GALNT17: variants seen among roughly 807,000 people sequenced by gnomAD.
GALNT17 encodes the protein UDP-GalNAc:polypeptide N-acetylgalactosaminyltransferase-like 3.
GALNT17 carries 29 observed loss-of-function variants against 63.7 expected under a neutral mutation model. The ratio of observed to expected loss-of-function variants is 0.46; its 90% CI spans 0.34 to 0.62. The LOEUF is 0.62. Ranked by LOEUF, GALNT17 falls within the 20% of genes least tolerant of loss-of-function variation. The pLI is 0.01. For missense variants in GALNT17, 603 were observed against 799.6 expected, an observed-to-expected ratio of 0.75 and a Z score of 2.97; for synonymous variants, 305 against 318.3, an observed-to-expected ratio of 0.96 and a Z score of 0.45.
At chr7:71,157,868 C>T (rs1236926860) in intron 1 of GALNT17, among the ~76,000 whole-genome samples, 1 of 151,682 alleles carries the variant, frequency 6.6e-6, no homozygotes, top group African/African-American at 2.4e-5. Context: ...ATGAGTGAGA[C>T]CAGGCAGTAT....
chr7:71,706,034 G>A (rs766611437), intron 9 of GALNT17, among the ~76,000 whole-genome samples: 6 of 152,126 alleles, frequency 3.9e-5, no homozygotes, highest in Middle Eastern at 3.2e-3. Flanking sequence ...CCAAGGGTTC[G>A]CTACCCACCT....
intron 1 of GALNT17, among the ~76,000 whole-genome samples, chr7:71,301,276 G>T (rs1217590719): frequency 2.0e-5 from 3 of 151,016 alleles, no homozygotes; most frequent in Non-Finnish European, 4.4e-5. Context: ...GACAGAGTGA[G>T]ACCCTGCCTG....
At chr7:71,632,288 C>A (rs4145368) in intron 6 of GALNT17, among the ~76,000 whole-genome samples, 148,185 of 152,248 alleles carry the variant, frequency 0.97, 72,246 homozygotes, top group East Asian at 1. Context: ...GACCACCTGC[C>A]GGGTGCCGGG....
intron 5 of GALNT17, among the ~76,000 whole-genome samples, chr7:71,540,567 G>A (rs564187521): frequency 5.9e-5 from 9 of 152,184 alleles, no homozygotes; most frequent in African/African-American, 1.7e-4. Flanking sequence ...CCTTTGTAGA[G>A]TATTTTAATC....
chr7:71,415,953 A>G lies in GALNT17; in HGVS notation c.654A>G (p.Val218=), dbSNP rs1178997914. ...GCTACCCCGGGCTGGTGAAGGTGGT[A>G]AGAAATCAGAAGAGGGAAGGCCTGA... ...HKRYPGLVKV[V]RNQKREGLIR... The change falls in exon 4 of 11, where the codon GTA becomes GTG. Residue 218 remains valine, a synonymous_variant. Transcript: ENST00000333538. 2.5e-6 allele frequency: 4 copies of G among 1,613,788 alleles called. No homozygotes were observed. The highest frequency in any genetic ancestry group is 3.4e-6 in the Non-Finnish European group (4 of 1,179,848).
intron 1 of GALNT17, among the ~76,000 whole-genome samples, chr7:71,163,373 G>T (rs1211864408): frequency 1.3e-5 from 2 of 152,138 alleles, no homozygotes; most frequent in South Asian, 2.1e-4. Flanking sequence ...GAGGGAAGAG[G>T]CTTTGCCTAT....
chr7:71,517,425 C>A (rs980359906), intron 5 of GALNT17, among the ~76,000 whole-genome samples: 2 of 152,200 alleles, frequency 1.3e-5, no homozygotes, highest in Admixed American at 1.3e-4. Flanking sequence ...TTTTGGAGCA[C>A]ACAAACACTC....
chr7:71,466,278 G>A (rs1787533555), intron 5 of GALNT17, among the ~76,000 whole-genome samples: 1 of 152,210 alleles, frequency 6.6e-6, no homozygotes, highest in Admixed American at 6.5e-5. Context: ...ATGACTGGAA[G>A]TTGAGGGGTC....
chr7:71,677,222 C>G lies in GALNT17; in HGVS notation c.1416C>G (p.Asn472Lys). ...GTCTATTCTTGCAGCTTCGCAACAA[C>G]AAGGCAAAAGACGTCTGCTTGGACC... ...NTVAYGELRNNKAKDVCLDQG... is the reference protein window; with the variant it reads ...NTVAYGELRNKKAKDVCLDQG... Residue 472 changes from asparagine (N) to lysine (K), a missense_variant, in exon 9 of 11, where the codon AAC becomes AAG. Coordinates refer to ENST00000333538, the MANE Select transcript of GALNT17 (RefSeq NM_022479.3). 1 of 1,613,946 alleles carries G rather than the reference C, an allele frequency of 6.2e-7. No homozygotes were observed. The highest frequency in any genetic ancestry group is 8.5e-7 in the Non-Finnish European group (1 of 1,179,912).
chr7:71,192,822 T>C (rs1788976871), intron 1 of GALNT17, among the ~76,000 whole-genome samples: 1 of 152,210 alleles, frequency 6.6e-6, no homozygotes, highest in South Asian at 2.1e-4. Flanking sequence ...GTCAGTCTTT[T>C]TCCTGTTAGC....
At chr7:71,344,446 A>G (rs28392825) in intron 2 of GALNT17, among the ~76,000 whole-genome samples, 40,894 of 152,058 alleles carry the variant, frequency 0.27, 6,033 homozygotes, top group East Asian at 0.48. Context: ...GAGTGGAAGG[A>G]GGAAACCAGG....
intron 5 of GALNT17, among the ~76,000 whole-genome samples, chr7:71,453,250 G>A (rs1436445270): frequency 6.6e-6 from 1 of 152,074 alleles, no homozygotes; most frequent in Non-Finnish European, 1.5e-5. Flanking sequence ...CTTTTGTCTA[G>A]CATTATAACC....
intron 2 of GALNT17, among the ~76,000 whole-genome samples, chr7:71,363,732 C>T (rs2527298): frequency 0.17 from 25,225 of 152,190 alleles, 2,209 homozygotes; most frequent in East Asian, 0.29. Context: ...GATCGGACAG[C>T]CGCGTGGTGG....
At chr7:71,402,789 G>C (rs1309437392) in intron 3 of GALNT17, among the ~76,000 whole-genome samples, 1 of 150,290 alleles carries the variant, frequency 6.7e-6, no homozygotes, top group Non-Finnish European at 1.5e-5. Context: ...GTTTATAATT[G>C]CAGAGATGGG....
At chr7:71,452,936 T>G (rs923510021) in intron 5 of GALNT17, among the ~76,000 whole-genome samples, 3 of 152,208 alleles carry the variant, frequency 2.0e-5, no homozygotes, top group African/African-American at 7.2e-5. Context: ...TTAACATGAT[T>G]GGTGATTCTA....
chr7:71,268,345 C>T (rs1232188873), intron 1 of GALNT17, among the ~76,000 whole-genome samples: 1 of 150,100 alleles, frequency 6.7e-6, no homozygotes, highest in Admixed American at 6.7e-5. Flanking sequence ...AGCTTGAGAA[C>T]AGCCTGGGCA....
chr7:71,454,462 T>C (rs925150113), intron 5 of GALNT17, among the ~76,000 whole-genome samples: 1 of 152,222 alleles, frequency 6.6e-6, no homozygotes, highest in African/African-American at 2.4e-5. Flanking sequence ...ATCCAGTCTA[T>C]CATTGATAGG....
At chr7:71,595,749 T>C (rs1789876419) in intron 6 of GALNT17, among the ~76,000 whole-genome samples, 1 of 151,032 alleles carries the variant, frequency 6.6e-6, no homozygotes, top group South Asian at 2.1e-4. Context: ...GCAGCAACAC[T>C]GCCATCACAT....
chr7:71,345,297 C>T (rs186604945), intron 2 of GALNT17, among the ~76,000 whole-genome samples: 1 of 152,204 alleles, frequency 6.6e-6, no homozygotes, highest in Admixed American at 6.5e-5. Flanking sequence ...GAGATCCCCG[C>T]ACCAATTTTA....
Sources: allele counts gnomAD v4.1 joint callset (sites outside exome capture counted in the v4.1 genomes callset), GRCh38; gene constraint gnomAD v4.1.1; transcripts MANE v1.5; gene names NCBI Gene and HGNC (gene_info 2026-07-23, HGNC 2026-07-21).